The following ZNF713 variants were observed in gnomAD, a reference collection of about 807,000 sequenced individuals.
ZNF713 encodes the protein zinc finger protein 713.
In ZNF713, 21 loss-of-function variants were observed where a neutral mutation model predicts 28.7. The observed-to-expected ratio is 0.73, with a 90% CI of 0.52 to 1.05. The LOEUF (loss-of-function observed/expected upper bound fraction) is 1.05. Among genes scored for constraint, ZNF713 ranks in the 50% least tolerant of loss-of-function variants. The pLI is 0.00. For synonymous variants in ZNF713, 167 were observed against 178.0 expected (o/e 0.94, Z 0.49); for missense variants, 458 against 532.4 (o/e 0.86, Z 1.37).
intron 6 of ZNF713, among the ~76,000 whole-genome samples, chr7:55,928,151 C>CAGTG (rs1484576789): frequency 2.6e-5 from 4 of 152,054 alleles, no homozygotes; most frequent in African/African-American, 9.7e-5. Context: ...TTACAAGAGT[C>CAGTG]AGTGGAAGCT....
chr7:55,932,407 C>A (rs1327785913), intron 6 of ZNF713, among the ~76,000 whole-genome samples: 2 of 151,036 alleles, frequency 1.3e-5, no homozygotes, highest in Non-Finnish European at 2.9e-5. Context: ...TGCCTGTGGT[C>A]CCACCTACTC....
intron 6 of ZNF713, among the ~76,000 whole-genome samples, chr7:55,937,810 G>A (rs1584321883): frequency 6.6e-6 from 1 of 152,212 alleles, no homozygotes; most frequent in East Asian, 1.9e-4. Flanking sequence ...GGGAAGCTGA[G>A]GTGGGAGGAT....
Position 55,939,809 on chromosome 7 carries a change from T to G in ZNF713, c.1135T>G (p.Phe379Val). The change falls in exon 7 of 7, where the codon TTC becomes GTC. Residue 379 changes from phenylalanine to valine, a missense_variant. Coordinates refer to ENST00000429591, the MANE Select transcript of ZNF713 (RefSeq NM_182633.3). Reference protein sequence around the residue: ...PYECGFCGKAFSQRTHLNQHE... With the variant: ...PYECGFCGKAVSQRTHLNQHE... ...CGAATGTGGTTTCTGTGGCAAAGCC[T>G]TCAGTCAGAGGACACATCTGAATCA... 6.2e-7 allele frequency: 1 copy of G among 1,614,198 alleles called. No homozygotes were observed. Among genetic ancestry groups the G allele is most frequent in the Non-Finnish European group, 8.5e-7 (1 of 1,180,032 alleles).
chr7:55,919,225 A>G (rs1453502749), intron 4 of ZNF713, among the ~76,000 whole-genome samples: 1 of 152,198 alleles, frequency 6.6e-6, no homozygotes, highest in Non-Finnish European at 1.5e-5. Flanking sequence ...CAAGCAGCAA[A>G]TGATAACCAA....
chr7:55,909,435 C>T (rs1011397282), intron 2 of ZNF713, among the ~76,000 whole-genome samples: 4 of 152,072 alleles, frequency 2.6e-5, no homozygotes, highest in Non-Finnish European at 5.9e-5. Context: ...ACTTTGTTTC[C>T]TGTAGCCTTT....
At position 55,928,969 on chromosome 7, in the gene ZNF713, C is replaced by CAA. The variant is rs35152322; in HGVS notation, c.307+5289_307+5290dup. ...CAACAGGTTGAGAGCCCATTTCTAC[C>CAA]AAAAAAAAAAAAAAAAAAAATAGCC... On this transcript the variant is annotated intron_variant, in intron 6 of 6. Coordinates refer to ENST00000429591, the MANE Select transcript of ZNF713 (RefSeq NM_182633.3). Among the ~76,000 whole-genome samples, 961 of 119,280 alleles carry CAA rather than the reference C, an allele frequency of 8.1e-3. 10 individuals are homozygous for CAA. The highest frequency in any genetic ancestry group is 0.015 in the African/African-American group (489 of 32,180). The allele number at this position is 119,280 out of a possible 152,430, so 78.3% of individuals were successfully genotyped here. A position where few individuals can be genotyped will look rare whatever the true frequency, so the allele number is the denominator to read the frequency against.
chr7:55,890,511 G>A (rs574998276), intron 1 of ZNF713, among the ~76,000 whole-genome samples: 3 of 151,526 alleles, frequency 2.0e-5, no homozygotes, highest in Admixed American at 6.6e-5. Flanking sequence ...GTCACATTGC[G>A]GGTTAGGACT....
At chr7:55,900,725 G>T (rs185867634) in intron 1 of ZNF713, among the ~76,000 whole-genome samples, 1 of 152,278 alleles carries the variant, frequency 6.6e-6, no homozygotes, top group Non-Finnish European at 1.5e-5. Flanking sequence ...GTTGACCAAA[G>T]GGTACAAAGT....
chr7:55,920,459 A>G (rs1236100600), intron 4 of ZNF713, among the ~76,000 whole-genome samples: 1 of 152,238 alleles, frequency 6.6e-6, no homozygotes, highest in East Asian at 1.9e-4. Flanking sequence ...ACCAGCCACA[A>G]CATTCCCTTA....
At chr7:55,920,257 G>A (rs1785969620) in intron 4 of ZNF713, among the ~76,000 whole-genome samples, 1 of 152,234 alleles carries the variant, frequency 6.6e-6, no homozygotes. Flanking sequence ...TAAATGAGAA[G>A]AGCATGTCGA....
intron 1 of ZNF713, among the ~76,000 whole-genome samples, chr7:55,902,403 T>G (rs1449016035): frequency 1.3e-5 from 2 of 152,254 alleles, no homozygotes; most frequent in Admixed American, 6.5e-5. Flanking sequence ...GTTAATCTAT[T>G]GGTTACTTGC....
intron 6 of ZNF713, among the ~76,000 whole-genome samples, chr7:55,928,759 C>CA (rs1227970338): frequency 3.9e-5 from 6 of 152,172 alleles, no homozygotes; most frequent in African/African-American, 1.4e-4. Context: ...ACACTTCCGA[C>CA]AGACACAAAA....
chr7:55,887,845 CGGCGGCGGCG>C (rs1349927225), intron 1 of ZNF713, among the ~76,000 whole-genome samples, 165 bp downstream of exon 1: 525 of 5,934 alleles, frequency 0.088, 185 homozygotes, highest in South Asian at 0.26. Context: ...CGGCGGGCGG[CGGCGGCGGCG>C]GGCGGCGGGC....
intron 6 of ZNF713, among the ~76,000 whole-genome samples, chr7:55,932,890 C>CAAAAAAAAAAAAAAAAAAAAA (rs61092452): frequency 4.2e-5 from 2 of 47,784 alleles, no homozygotes. Flanking sequence ...GACTCCGTCT[C>CAAAAAAAAAAAAAAAAAAAAA]AAAAAAAAAA....
rs141418223 is a variant in ZNF713, at chr7:55,904,459, T to C, written c.-582-1794T>C. ...GCCAGGACAACAGAGCCAGACTGTA[T>C]CTTTAAAAAAAAAAAAAAAAAAAAA... is the stretch of plus-strand genomic sequence containing the variant. On this transcript the variant is annotated intron_variant, in intron 1 of 6. Transcript: ENST00000429591. 7.6e-3 allele frequency among the ~76,000 whole-genome samples: 870 copies of C among 114,000 alleles called. 87 individuals are homozygous for C. The highest frequency in any genetic ancestry group is 0.029 in the African/African-American group (799 of 27,454). The allele number at this position is 114,000 out of a possible 152,430, so 74.8% of individuals were successfully genotyped here. A position where few individuals can be genotyped will look rare whatever the true frequency, so the allele number is the denominator to read the frequency against.
intron 2 of ZNF713, among the ~76,000 whole-genome samples, chr7:55,908,895 A>C (rs1372768695): frequency 6.6e-6 from 1 of 151,912 alleles, no homozygotes; most frequent in Non-Finnish European, 1.5e-5. Context: ...ATCTTGAGTT[A>C]ATTTTTGTAG....
chr7:55,895,410 C>T (rs1472263897), intron 1 of ZNF713, among the ~76,000 whole-genome samples: 3 of 143,640 alleles, frequency 2.1e-5, no homozygotes, highest in Admixed American at 7.1e-5. Context: ...ATATATCTAT[C>T]TATCTACTGC....
chr7:55,887,809 G>A (rs1785290058), intron 1 of ZNF713, 129 bp downstream of exon 1: 1 of 3,754 alleles, frequency 2.7e-4, no homozygotes, highest in Non-Finnish European at 7.2e-4. Flanking sequence ...GCGGGGGGCG[G>A]CGGGCGGCGG....
At chr7:55,931,600 C>T (rs1420579372) in intron 6 of ZNF713, among the ~76,000 whole-genome samples, 1 of 146,906 alleles carries the variant, frequency 6.8e-6, no homozygotes, top group Admixed American at 6.7e-5. Context: ...TTCCCTCTCT[C>T]CTCTCCCTCC....
Sources: gnomAD v4.1 joint callset for allele counts (sites outside exome capture counted in the v4.1 genomes callset) on GRCh38, gnomAD v4.1.1 for gene constraint, MANE v1.5 for transcripts, NCBI Gene and HGNC (gene_info 2026-07-23, HGNC 2026-07-21) for gene names.